The following DLEU7 variants were observed in gnomAD, a reference collection of about 807,000 sequenced individuals.
DLEU7 encodes leukemia-associated protein 7.
In DLEU7, 17 loss-of-function variants were observed where a neutral mutation model predicts 16.0. That is an observed-to-expected ratio of 1.06 (90% CI 0.73 to 1.59). The LOEUF is 1.59. DLEU7 is among the 40% of genes most tolerant of loss of function. The probability of loss-of-function intolerance (pLI) is 0.00; values close to 1 mark genes in which losing one functional copy is unlikely to be tolerated. For missense variants in DLEU7, 308 were observed against 314.9 expected, an observed-to-expected ratio of 0.98 and a Z score of 0.17; for synonymous variants, 113 against 139.8, an observed-to-expected ratio of 0.81 and a Z score of 1.35.
chr13:50,742,676 T>C (rs747531374), intron 1 of DLEU7, among the ~76,000 whole-genome samples: 25 of 152,212 alleles, frequency 1.6e-4, no homozygotes, highest in Non-Finnish European at 3.1e-4. Context: ...TGGGTCATTG[T>C]TCTGGTAGCA....
At chr13:50,822,232 G>C (rs1876928847), downstream of DLEU7, among the ~76,000 whole-genome samples, 1 of 152,092 alleles carries the variant, frequency 6.6e-6, no homozygotes, top group African/African-American at 2.4e-5. Context: ...GAACCAACTA[G>C]GATTAGAGTG....
intron 1 of DLEU7, among the ~76,000 whole-genome samples, chr13:50,815,075 T>C (rs1369433425): frequency 6.6e-6 from 1 of 152,144 alleles, no homozygotes; most frequent in Non-Finnish European, 1.5e-5. Flanking sequence ...GAGTTATTTA[T>C]TTGGCAAACT....
intron 1 of DLEU7, among the ~76,000 whole-genome samples, chr13:50,783,933 C>T (rs1387719440): frequency 2.0e-5 from 3 of 152,192 alleles, no homozygotes; most frequent in Non-Finnish European, 4.4e-5. Context: ...TGTGACTGCT[C>T]TGCCAGAACA....
intron 1 of DLEU7, among the ~76,000 whole-genome samples, chr13:50,723,426 A>G (rs1017462837): frequency 4.6e-5 from 7 of 152,006 alleles, no homozygotes; most frequent in African/African-American, 1.4e-4. Context: ...ACACACACAC[A>G]CACACACACA....
chr13:50,724,851 G>C (rs954281441), intron 1 of DLEU7, among the ~76,000 whole-genome samples: 1 of 152,116 alleles, frequency 6.6e-6, no homozygotes, highest in African/African-American at 2.4e-5. Context: ...GAAAAAGAGA[G>C]TGACTCTGAG....
At chr13:50,821,110 C>T (rs928926074), downstream of DLEU7, among the ~76,000 whole-genome samples, 10 of 152,108 alleles carry the variant, frequency 6.6e-5, no homozygotes, top group Middle Eastern at 3.4e-3. Context: ...CTGGGAGCCA[C>T]GAGCTGAAGT....
chr13:50,752,900 G>A (rs1217254911), intron 1 of DLEU7, among the ~76,000 whole-genome samples: 2 of 152,056 alleles, frequency 1.3e-5, no homozygotes, highest in Non-Finnish European at 2.9e-5. Flanking sequence ...CTCTTATCTG[G>A]CCCCACCCAC....
At chr13:50,732,606 C>CAAAA (rs58395582) in intron 1 of DLEU7, among the ~76,000 whole-genome samples, 13 of 65,870 alleles carry the variant, frequency 2.0e-4, no homozygotes, top group Admixed American at 5.8e-4. Context: ...GACTCCATCT[C>CAAAA]AAAAAAAAAA....
chr13:50,731,306 A>G (rs1593531716), intron 1 of DLEU7, among the ~76,000 whole-genome samples: 2 of 152,294 alleles, frequency 1.3e-5, no homozygotes, highest in East Asian at 1.9e-4. Context: ...ATTTTGTCCA[A>G]TTCTTGGTTC....
intron 1 of DLEU7, among the ~76,000 whole-genome samples, chr13:50,729,325 C>G (rs192512922): frequency 1.3e-5 from 2 of 152,236 alleles, no homozygotes; most frequent in Admixed American, 1.3e-4. Context: ...GGATAGTGAC[C>G]TCCAGCTCCA....
chr13:50,837,075 C>T (rs1470068052), intron 1 of DLEU7, among the ~76,000 whole-genome samples: 1 of 152,092 alleles, frequency 6.6e-6, no homozygotes, highest in Non-Finnish European at 1.5e-5. Context: ...AATAAAACAC[C>T]CAATGAAGAA....
Position 50,843,099 on chromosome 13 carries a change from G to A in DLEU7, c.459+89C>T. 1 of 1,272,794 alleles carries A rather than the reference G, an allele frequency of 7.9e-7. No individual in the cohort carries two copies. Among genetic ancestry groups the A allele is most frequent in the Non-Finnish European group, 1.1e-6 (1 of 946,378 alleles). 78.8% of individuals were successfully genotyped at this position (1,272,794 alleles called of 1,614,324 possible). A position where few individuals can be genotyped will look rare whatever the true frequency, so the allele number is the denominator to read the frequency against. ...TGGGCAGCAGTGTTTGGGATCCTGC[G>A]ATCCACCCATCGCCATCCCAGCAGC... On this transcript the variant is annotated intron_variant, in intron 1 of 1. Transcript: ENST00000504404. The surrounding 1 kb of genome is among the most constrained non-coding windows in gnomAD (Gnocchi z 5.7).
intron 1 of DLEU7, among the ~76,000 whole-genome samples, chr13:50,784,813 C>G (rs542518725): frequency 2.6e-5 from 4 of 152,160 alleles, no homozygotes; most frequent in African/African-American, 9.7e-5. Flanking sequence ...TAAAAGTAAG[C>G]GATTCATATT....
chr13:50,730,991 C>T (rs187646393), intron 1 of DLEU7, among the ~76,000 whole-genome samples: 265 of 152,172 alleles, frequency 1.7e-3, no homozygotes, highest in African/African-American at 5.9e-3. Flanking sequence ...ACTGCATAGC[C>T]GATGAAAAAT....
At chr13:50,743,824 G>A (rs1282042818) in intron 1 of DLEU7, among the ~76,000 whole-genome samples, 1 of 152,100 alleles carries the variant, frequency 6.6e-6, no homozygotes, top group Non-Finnish European at 1.5e-5. Flanking sequence ...ACTCTGCTGG[G>A]GTTACAAAAA....
chr13:50,721,821 C>A (rs1401997310), intron 1 of DLEU7, among the ~76,000 whole-genome samples: 1 of 152,130 alleles, frequency 6.6e-6, no homozygotes, highest in African/African-American at 2.4e-5. Context: ...ACAACAGGAA[C>A]AACGTAACAT....
intron 1 of DLEU7, among the ~76,000 whole-genome samples, chr13:50,782,797 A>C (rs910645637): frequency 9.3e-5 from 14 of 150,076 alleles, no homozygotes; most frequent in African/African-American, 3.4e-4. Flanking sequence ...AAAACTCTTC[A>C]GGATAACTTC....
chr13:50,834,432 A>C (rs1414285442), intron 1 of DLEU7, among the ~76,000 whole-genome samples: 1 of 25,822 alleles, frequency 3.9e-5, no homozygotes, highest in Non-Finnish European at 7.8e-5. Context: ...AAACATATGC[A>C]AAAAAAAAAA....
chr13:50,794,276 T>C (rs533114077), intron 1 of DLEU7, among the ~76,000 whole-genome samples: 1 of 150,204 alleles, frequency 6.7e-6, no homozygotes, highest in East Asian at 2.0e-4. Flanking sequence ...AGAGTTTACA[T>C]TTTTAAAAAA....
Sources: gnomAD v4.1 joint callset for allele counts (sites outside exome capture counted in the v4.1 genomes callset) on GRCh38, gnomAD v4.1.1 for gene constraint, Gnocchi (gnomAD v3.1) non-coding constraint, MANE v1.5 for transcripts, NCBI Gene and HGNC (gene_info 2026-07-23, HGNC 2026-07-21) for gene names.